The following CCDC60 variants were observed in gnomAD, a reference collection of about 807,000 sequenced individuals.
The protein encoded by CCDC60 is coiled-coil domain-containing protein 60.
Under a neutral mutation model 63.5 loss-of-function variants are expected in CCDC60, and 54 were observed. The ratio of observed to expected loss-of-function variants is 0.85; its 90% CI spans 0.68 to 1.07. CCDC60 has a LOEUF of 1.07. CCDC60 is among the 50% of genes least tolerant of loss of function. The probability of loss-of-function intolerance (pLI) is 0.00; values close to 1 mark genes in which losing one functional copy is unlikely to be tolerated. For missense variants in CCDC60, 651 were observed against 684.3 expected (o/e 0.95, Z 0.54); for synonymous variants, 206 against 238.8 (o/e 0.86, Z 1.27).
intron 13 of CCDC60, among the ~76,000 whole-genome samples, 161 bp downstream of exon 13, chr12:119,531,224 A>G (rs1952832503): frequency 6.6e-6 from 1 of 152,114 alleles, no homozygotes; most frequent in Admixed American, 6.6e-5. Flanking sequence ...TGGTTGCCCA[A>G]CTCCAACTGC....
chr12:119,524,913 A>G (rs1952645894), intron 11 of CCDC60, among the ~76,000 whole-genome samples: 1 of 151,346 alleles, frequency 6.6e-6, no homozygotes, highest in African/African-American at 2.4e-5. Flanking sequence ...CAGTCCTCTC[A>G]CCTTGGCCTC....
chr12:119,371,300 C>A (rs1156701668), intron 1 of CCDC60, among the ~76,000 whole-genome samples: 1 of 152,116 alleles, frequency 6.6e-6, no homozygotes. Context: ...CCAAGTGGTA[C>A]CCATGTTCAA....
intron 1 of CCDC60, among the ~76,000 whole-genome samples, chr12:119,426,527 T>C (rs1391094217): frequency 6.6e-6 from 1 of 152,050 alleles, no homozygotes; most frequent in Non-Finnish European, 1.5e-5. Flanking sequence ...TGGCTAATTT[T>C]TTTGTATTTT....
At chr12:119,434,432 C>T (rs934426909) in intron 2 of CCDC60, among the ~76,000 whole-genome samples, 2 of 152,070 alleles carry the variant, frequency 1.3e-5, no homozygotes, top group East Asian at 1.9e-4. Flanking sequence ...ACAAAACAGA[C>T]AAGACTCCTG....
chr12:119,511,032 T>A (rs1370307456), intron 7 of CCDC60, among the ~76,000 whole-genome samples: 1 of 152,120 alleles, frequency 6.6e-6, no homozygotes, highest in Non-Finnish European at 1.5e-5. Context: ...CCCACAAGTG[T>A]GCAACAGTAA....
chr12:119,476,492 T>G (rs567268685), intron 3 of CCDC60, among the ~76,000 whole-genome samples: 26 of 152,304 alleles, frequency 1.7e-4, no homozygotes, highest in African/African-American at 6.3e-4. Flanking sequence ...CTAATTTTTG[T>G]TAACTCTGTG....
intron 4 of CCDC60, among the ~76,000 whole-genome samples, chr12:119,486,373 C>CA (rs902471431): frequency 4.5e-4 from 68 of 150,534 alleles, no homozygotes; most frequent in African/African-American, 1.3e-3. Context: ...CCCATCTCTA[C>CA]AAAAAAAAAT....
intron 1 of CCDC60, among the ~76,000 whole-genome samples, chr12:119,383,810 T>C (rs1391874801): frequency 1.3e-5 from 2 of 152,186 alleles, no homozygotes; most frequent in Non-Finnish European, 1.5e-5. Context: ...CAAGAGGGCA[T>C]GTTCATGAGA....
Position 119,360,545 on chromosome 12 carries a change from G to C in CCDC60, c.90+25279G>C, listed in dbSNP as rs542039507. On this transcript the variant is annotated intron_variant, in intron 1 of 13. Transcript: ENST00000327554. Reference sequence around the variant, plus strand: ...TCCTCACTTCTCAGACGGGGCGGCCGGGCGGAGACGCTCCTCACCTCCCAG... The same window carrying C: ...TCCTCACTTCTCAGACGGGGCGGCCCGGCGGAGACGCTCCTCACCTCCCAG... Among the ~76,000 whole-genome samples, 1,170 of 151,502 alleles carry C rather than the reference G, an allele frequency of 7.7e-3. 12 individuals are homozygous for C. The highest frequency in any genetic ancestry group is 0.027 in the African/African-American group (1,115 of 41,248).
At chr12:119,415,325 C>A (rs914269368) in intron 1 of CCDC60, among the ~76,000 whole-genome samples, 2 of 152,238 alleles carry the variant, frequency 1.3e-5, no homozygotes, top group Non-Finnish European at 2.9e-5. Context: ...GAAAAAAGGG[C>A]AGCAGGTGCA....
At chr12:119,355,282 A>G (rs901826353) in intron 1 of CCDC60, among the ~76,000 whole-genome samples, 1 of 152,204 alleles carries the variant, frequency 6.6e-6, no homozygotes, top group Non-Finnish European at 1.5e-5. Flanking sequence ...GTTCAGGCAC[A>G]TACTCAGAGC....
At chr12:119,444,908 T>C (rs1950513050) in intron 2 of CCDC60, among the ~76,000 whole-genome samples, 1 of 152,060 alleles carries the variant, frequency 6.6e-6, no homozygotes, top group Non-Finnish European at 1.5e-5. Flanking sequence ...CTGAAAAACT[T>C]ACAGGAAGAG....
rs374562709 is a variant in CCDC60, at chr12:119,500,187, C to G, written c.648+19C>G. The G allele has an allele frequency of 1.4e-5, 22 of 1,525,926 alleles. No individual in the cohort carries two copies. Among genetic ancestry groups the G allele is most frequent in the Non-Finnish European group, 1.9e-5 (21 of 1,106,834 alleles). 94.5% of individuals were successfully genotyped at this position (1,525,926 alleles called of 1,614,324 possible). On this transcript the variant is annotated intron_variant, in intron 6 of 13. Coordinates refer to ENST00000327554, the MANE Select transcript of CCDC60 (RefSeq NM_178499.5). ...GCCAAAGGTAACCAACAACACGCGA[C>G]TCAACCCTTTGGCTCCTAGGTCCCA...
At chr12:119,367,426 A>G (rs116387759) in intron 1 of CCDC60, among the ~76,000 whole-genome samples, 2,640 of 152,286 alleles carry the variant, frequency 0.017, 73 homozygotes, top group African/African-American at 0.061. Context: ...TCCACCGCCT[A>G]TATCCTCCAA....
At chr12:119,479,508 A>G (rs920640582) in intron 4 of CCDC60, 3 of 311,850 alleles carry the variant, frequency 9.6e-6, no homozygotes, top group Non-Finnish European at 1.8e-5. Context: ...TGTGTGCGAG[A>G]ACATCTCAGC....
intron 2 of CCDC60, among the ~76,000 whole-genome samples, chr12:119,437,575 T>C (rs1319476896): frequency 1.3e-5 from 2 of 152,204 alleles, no homozygotes; most frequent in Non-Finnish European, 2.9e-5. Context: ...CCTTTATGAA[T>C]GAGGCTGCTT....
chr12:119,395,287 G>T (rs925765451), intron 1 of CCDC60, among the ~76,000 whole-genome samples: 6 of 152,188 alleles, frequency 3.9e-5, no homozygotes, highest in African/African-American at 1.4e-4. Flanking sequence ...CCACTATAAA[G>T]AAATACCTGA....
At chr12:119,343,660 C>CTATA (rs60934414) in intron 1 of CCDC60, among the ~76,000 whole-genome samples, 5,152 of 141,018 alleles carry the variant, frequency 0.037, 121 homozygotes, top group East Asian at 0.061. Flanking sequence ...GAAAGGCAAA[C>CTATA]TATATATATA....
intron 1 of CCDC60, among the ~76,000 whole-genome samples, chr12:119,373,184 C>T (rs994323792): frequency 1.5e-4 from 23 of 152,176 alleles, no homozygotes; most frequent in Non-Finnish European, 1.8e-4. Flanking sequence ...CCTGGAGCAA[C>T]TTCAACTTCC....
Sources: gnomAD v4.1 joint callset for allele counts (sites outside exome capture counted in the v4.1 genomes callset) on GRCh38, gnomAD v4.1.1 for gene constraint, MANE v1.5 for transcripts, NCBI Gene and HGNC (gene_info 2026-07-23, HGNC 2026-07-21) for gene names.